Variants in NRG3 observed in about 807,000 individuals in gnomAD.
The protein encoded by NRG3 is pro-neuregulin-3, membrane-bound isoform.
In NRG3, 31 loss-of-function variants were observed where a neutral mutation model predicts 66.9. The ratio of observed to expected loss-of-function variants is 0.46; its 90% CI spans 0.35 to 0.63. The LOEUF (loss-of-function observed/expected upper bound fraction) is 0.63. Ranked by LOEUF, NRG3 falls within the 20% of genes least tolerant of loss-of-function variation. The pLI is 0.00. For missense variants in NRG3, 910 were observed against 878.9 expected, an observed-to-expected ratio of 1.04 and a Z score of -0.45; for synonymous variants, 393 against 359.4, an observed-to-expected ratio of 1.09 and a Z score of -1.06.
At chr10:81,948,587 T>C (rs908444133) in intron 1 of NRG3, among the ~76,000 whole-genome samples, 27 of 152,162 alleles carry the variant, frequency 1.8e-4, no homozygotes, top group African/African-American at 6.5e-4. Context: ...TCTTGTGCTT[T>C]TTGTTGAAAC....
chr10:82,415,536 G>T (rs776211515), intron 2 of NRG3, among the ~76,000 whole-genome samples: 1 of 152,108 alleles, frequency 6.6e-6, no homozygotes, highest in Non-Finnish European at 1.5e-5. Flanking sequence ...TGCCCATCAT[G>T]CATAAAAATA....
At position 82,583,061 on chromosome 10, in the gene NRG3, G is replaced by T. The variant is rs900821496; in HGVS notation, c.954-155516G>T. ...GCATATCAAATTCTGAATTTAGGCAGTTTGGAGAAAGAAATGTTTCAATGG... is the reference window on the plus strand; with the variant it reads ...GCATATCAAATTCTGAATTTAGGCATTTTGGAGAAAGAAATGTTTCAATGG... On this transcript the variant is annotated intron_variant, in intron 2 of 8. Coordinates refer to ENST00000372141, the MANE Select transcript of NRG3 (RefSeq NM_001010848.4). 4.6e-5 allele frequency among the ~76,000 whole-genome samples: 7 copies of T among 152,152 alleles called. No homozygotes were observed. In the South Asian group the frequency reaches 1.4e-3, roughly 32 times the overall value.
chr10:82,703,139 A>G (rs1026184894), intron 2 of NRG3, among the ~76,000 whole-genome samples: 1 of 151,950 alleles, frequency 6.6e-6, no homozygotes, highest in Non-Finnish European at 1.5e-5. Context: ...TATATACAGA[A>G]CTGTATCATA....
At chr10:82,304,687 C>T (rs955466014) in intron 1 of NRG3, among the ~76,000 whole-genome samples, 1 of 152,110 alleles carries the variant, frequency 6.6e-6, no homozygotes, top group Non-Finnish European at 1.5e-5. Context: ...TAGTTGTCAG[C>T]CTGGGGCTAA....
At chr10:82,188,768 C>T (rs2073963124) in intron 1 of NRG3, among the ~76,000 whole-genome samples, 1 of 151,878 alleles carries the variant, frequency 6.6e-6, no homozygotes, top group South Asian at 2.1e-4. Context: ...AGGTGGTGTA[C>T]CAGAGGCTGG....
chr10:82,248,038 A>C (rs2077321237), intron 1 of NRG3, among the ~76,000 whole-genome samples: 1 of 152,110 alleles, frequency 6.6e-6, no homozygotes, highest in African/African-American at 2.4e-5. Flanking sequence ...TTACCATGCA[A>C]ATTTGAACAG....
chr10:82,873,580 T>A (rs575852209), intron 4 of NRG3, among the ~76,000 whole-genome samples: 1 of 152,172 alleles, frequency 6.6e-6, no homozygotes, highest in Admixed American at 6.5e-5. Flanking sequence ...CTAACAAATA[T>A]CTAGCTACTG....
intron 1 of NRG3, among the ~76,000 whole-genome samples, chr10:82,027,751 G>A (rs906684710): frequency 2.6e-5 from 4 of 152,074 alleles, no homozygotes; most frequent in Admixed American, 2.6e-4. Flanking sequence ...TGAGGGGATT[G>A]CAGTCTCTCT....
intron 1 of NRG3, among the ~76,000 whole-genome samples, chr10:82,103,924 C>A (rs1028027256): frequency 2.7e-5 from 4 of 150,022 alleles, no homozygotes; most frequent in African/African-American, 9.8e-5. Context: ...CTCTATGGTT[C>A]ATGGGGGCCC....
chr10:82,616,951 A>G (rs2048693709), intron 2 of NRG3, among the ~76,000 whole-genome samples: 1 of 152,160 alleles, frequency 6.6e-6, no homozygotes, highest in South Asian at 2.1e-4. Context: ...AAAAAAGGAA[A>G]CCCTGAGATG....
chr10:82,257,708 A>G (rs1422489608), intron 1 of NRG3, among the ~76,000 whole-genome samples: 2 of 152,172 alleles, frequency 1.3e-5, no homozygotes, highest in Non-Finnish European at 2.9e-5. Flanking sequence ...CGAAGGTTGC[A>G]GTGAGCCAAG....
intron 1 of NRG3, among the ~76,000 whole-genome samples, chr10:82,339,773 T>C (rs1240381660): frequency 2.0e-5 from 3 of 152,130 alleles, no homozygotes; most frequent in Admixed American, 2.0e-4. Context: ...AACACTTTGG[T>C]TGCATGCCTG....
intron 2 of NRG3, among the ~76,000 whole-genome samples, chr10:82,362,278 C>T (rs1325315479): frequency 1.4e-5 from 2 of 141,080 alleles, no homozygotes; most frequent in African/African-American, 5.2e-5. Context: ...TTTTAAAGAA[C>T]AAGAAATAGA....
At chr10:81,910,899 C>T (rs1050162217) in intron 1 of NRG3, among the ~76,000 whole-genome samples, 11 of 152,192 alleles carry the variant, frequency 7.2e-5, no homozygotes, top group Admixed American at 6.5e-4. Context: ...CTCAATCATC[C>T]TCCTACCTCA....
At chr10:82,920,063 T>C (rs1331476345) in intron 4 of NRG3, among the ~76,000 whole-genome samples, 1 of 152,184 alleles carries the variant, frequency 6.6e-6, no homozygotes, top group African/African-American at 2.4e-5. Flanking sequence ...CCCATACTTA[T>C]GACATGTAAA....
intron 2 of NRG3, among the ~76,000 whole-genome samples, chr10:82,491,293 A>AATATATATATATATATATATACATAT (rs1554942719): frequency 6.1e-4 from 50 of 82,102 alleles, no homozygotes; most frequent in South Asian, 1.8e-3. Flanking sequence ...GTTCCCATAA[A>AATATATATATATATATATATACATAT]ATATATATAT....
chr10:82,277,671 G>A (rs139469801), intron 1 of NRG3, among the ~76,000 whole-genome samples: 156 of 151,994 alleles, frequency 1.0e-3, no homozygotes, highest in African/African-American at 3.4e-3. Context: ...CTATTGCTCC[G>A]TGCTGGTCTG....
intron 1 of NRG3, among the ~76,000 whole-genome samples, chr10:82,110,755 A>G (rs1336782980): frequency 6.6e-6 from 1 of 152,108 alleles, no homozygotes; most frequent in Non-Finnish European, 1.5e-5. Flanking sequence ...TATATCTATT[A>G]GATGTCTACT....
chr10:82,936,678 A>G (rs772741169), intron 4 of NRG3, among the ~76,000 whole-genome samples: 7 of 152,242 alleles, frequency 4.6e-5, no homozygotes, highest in African/African-American at 7.2e-5. Flanking sequence ...TAACCATTCC[A>G]CAATGTATAT....
Sources: allele counts gnomAD v4.1 joint callset (sites outside exome capture counted in the v4.1 genomes callset), GRCh38; gene constraint gnomAD v4.1.1; transcripts MANE v1.5; gene names NCBI Gene and HGNC (gene_info 2026-07-23, HGNC 2026-07-21).